Variants in NLGN4Y observed in about 807,000 individuals in gnomAD.
NLGN4Y encodes the protein neuroligin-4, Y-linked.
In NLGN4Y, 4 loss-of-function variants were observed where a neutral mutation model predicts 8.4. The ratio of observed to expected loss-of-function variants is 0.48; its 90% CI spans 0.23 to 1.09. NLGN4Y has a LOEUF of 1.09. Among genes scored for constraint, NLGN4Y ranks in the 50% least tolerant of loss-of-function variants. The pLI is 0.19. For synonymous variants in NLGN4Y, 35 were observed against 75.6 expected (o/e 0.46, Z 2.78); for missense variants, 90 against 192.3 (o/e 0.47, Z 3.15).
intron 4 of NLGN4Y, among the ~76,000 whole-genome samples, chrY:14,733,882 G>C: frequency 6.0e-5 from 2 of 33,096 alleles, no homozygotes; most frequent in African/African-American, 2.4e-4. Context: ...ATCTCATAGA[G>C]GGTGTTTGCT....
At chrY:14,704,436 G>A (rs2080868368) in intron 2 of NLGN4Y, among the ~76,000 whole-genome samples, 1 of 32,845 alleles carries the variant, frequency 3.0e-5, no homozygotes, top group Non-Finnish European at 7.5e-5. Context: ...TTTTATTGTT[G>A]GTTCTGTTTA....
intron 2 of NLGN4Y, among the ~76,000 whole-genome samples, chrY:14,704,148 T>C: frequency 3.0e-5 from 1 of 33,160 alleles, no homozygotes; most frequent in African/African-American, 1.2e-4. Context: ...GAATACCATT[T>C]ATTTCCTTCT....
At chrY:14,682,580 G>C in intron 2 of NLGN4Y, among the ~76,000 whole-genome samples, 1 of 33,284 alleles carries the variant, frequency 3.0e-5, no homozygotes. Flanking sequence ...TGGATGATTA[G>C]CTAATTTTTG....
chrY:14,723,129 A>T lies in NLGN4Y; in HGVS notation c.545A>T (p.Gln182Leu). ...DHGEDKDIHE[Q>L]NSKKPVMVYI... is the part of the protein sequence containing the mutation. ...GCTTTTTTTCCAGATATTCATGAAC[A>T]GAACAGTAAGAAGCCTGTTATGGTC... The change falls in exon 4 of 7, where the codon CAG becomes CTG. Residue 182 changes from glutamine to leucine, a missense_variant. By Grantham distance (113) the Gln-to-Leu change is moderately radical (BLOSUM62 -2). This residue lies in a region of NLGN4Y where 37 missense variants were observed against 38.5 expected (regional missense o/e 0.96). Transcript: ENST00000684976. 2.5e-6 allele frequency: 1 copy of T among 396,713 alleles called. No homozygotes were observed. The highest frequency in any genetic ancestry group is 3.5e-6 in the Non-Finnish European group (1 of 282,590).
chrY:14,692,630 T>C (rs2080814623), intron 2 of NLGN4Y, among the ~76,000 whole-genome samples: 1 of 33,652 alleles, frequency 3.0e-5, no homozygotes. Flanking sequence ...GAAACCACTT[T>C]TTGGAATGCC....
At chrY:14,763,597 A>G (rs2081086857) in intron 4 of NLGN4Y, among the ~76,000 whole-genome samples, 1 of 34,186 alleles carries the variant, frequency 2.9e-5, no homozygotes, top group African/African-American at 1.1e-4. Context: ...GAACGACTGC[A>G]TGATGTTGAT....
chrY:14,667,955 A>G, intron 2 of NLGN4Y, among the ~76,000 whole-genome samples: 1 of 33,267 alleles, frequency 3.0e-5, no homozygotes, highest in African/African-American at 1.2e-4. Context: ...TCAACAGATC[A>G]TTCAGGTCCC....
At chrY:14,593,219 A>C in intron 1 of NLGN4Y, among the ~76,000 whole-genome samples, 1 of 33,918 alleles carries the variant, frequency 2.9e-5, no homozygotes, top group Non-Finnish European at 7.3e-5. Flanking sequence ...GTATCAACAC[A>C]GACCAACAAG....
At chrY:14,644,353 G>C in intron 2 of NLGN4Y, among the ~76,000 whole-genome samples, 1 of 32,451 alleles carries the variant, frequency 3.1e-5, no homozygotes, top group Non-Finnish European at 7.5e-5. Flanking sequence ...ATGCAGTAAG[G>C]AGAAATTTGA....
intron 5 of NLGN4Y, among the ~76,000 whole-genome samples, chrY:14,826,756 A>T: frequency 3.1e-5 from 1 of 31,782 alleles, no homozygotes; most frequent in Non-Finnish European, 7.6e-5. Flanking sequence ...AAAATAAATA[A>T]ATAAAAACAA....
chrY:14,606,808 C>CAT (rs1202357044), intron 1 of NLGN4Y, among the ~76,000 whole-genome samples: 10 of 31,346 alleles, frequency 3.2e-4, no homozygotes, highest in African/African-American at 4.9e-4. Context: ...ATTCCCAAAG[C>CAT]ATATATATAT....
At chrY:14,724,547 T>A (rs780168448) in intron 4 of NLGN4Y, among the ~76,000 whole-genome samples, 1 of 33,396 alleles carries the variant, frequency 3.0e-5, no homozygotes, top group East Asian at 7.9e-4. Context: ...CTTTTCAGCT[T>A]CTGGTGGCCC....
chrY:14,809,874 C>T (rs530285791), intron 4 of NLGN4Y, among the ~76,000 whole-genome samples: 2 of 33,774 alleles, frequency 5.9e-5, no homozygotes, highest in African/African-American at 2.3e-4. Context: ...AAATTACAAT[C>T]CATGTGAATT....
intron 1 of NLGN4Y, among the ~76,000 whole-genome samples, chrY:14,608,186 C>T (rs998163370): frequency 7.8e-4 from 26 of 33,502 alleles, no homozygotes; most frequent in Non-Finnish European, 3.7e-4. Context: ...ATGATAGTTC[C>T]TTTTGCTGTG....
intron 1 of NLGN4Y, among the ~76,000 whole-genome samples, chrY:14,597,859 C>T (rs1603500961): frequency 3.5e-5 from 1 of 28,897 alleles, no homozygotes; most frequent in Non-Finnish European, 8.8e-5. Flanking sequence ...GATATAAAGA[C>T]TCTCCACGTC....
intron 4 of NLGN4Y, among the ~76,000 whole-genome samples, chrY:14,727,250 T>C (rs916680715): frequency 6.7e-4 from 22 of 33,060 alleles, no homozygotes; most frequent in Admixed American, 1.4e-3. Flanking sequence ...CTGATTGAGC[T>C]AGGGGATACA....
At chrY:14,703,397 G>C in intron 2 of NLGN4Y, among the ~76,000 whole-genome samples, 2 of 33,548 alleles carry the variant, frequency 6.0e-5, no homozygotes, top group Non-Finnish European at 1.5e-4. Context: ...AGTTTTCCCA[G>C]CATCATTTAT....
At chrY:14,585,804 C>T in intron 1 of NLGN4Y, among the ~76,000 whole-genome samples, 1 of 33,685 alleles carries the variant, frequency 3.0e-5, no homozygotes, top group African/African-American at 1.2e-4. Flanking sequence ...TTTGGTCTAT[C>T]CTGATTCTGT....
chrY:14,615,200 A>G (rs2080484149), intron 1 of NLGN4Y, among the ~76,000 whole-genome samples: 2 of 32,934 alleles, frequency 6.1e-5, no homozygotes, highest in African/African-American at 2.4e-4. Context: ...TTTTGTGGCA[A>G]TTGTGAATGG....
Sources: gnomAD v4.1 joint callset for allele counts (sites outside exome capture counted in the v4.1 genomes callset) on GRCh38, gnomAD v4.1.1 for gene constraint, gnomAD v4.1.1 regional missense constraint, MANE v1.5 for transcripts, NCBI Gene and HGNC (gene_info 2026-07-23, HGNC 2026-07-21) for gene names.